Variants in WDFY3 observed in about 807,000 individuals in gnomAD.
WDFY3 encodes WD repeat and FYVE domain-containing protein 3.
Under a neutral mutation model 409.6 loss-of-function variants are expected in WDFY3, and 66 were observed. That is an observed-to-expected ratio of 0.16 (90% CI 0.13 to 0.20). The LOEUF is 0.20. WDFY3 is among the 10% of genes least tolerant of loss of function. WDFY3 has a pLI of 1.00. For missense variants in WDFY3, 3,031 were observed against 4,298.1 expected, an observed-to-expected ratio of 0.71 and a Z score of 8.24; for synonymous variants, 1,521 against 1,537.1, an observed-to-expected ratio of 0.99 and a Z score of 0.25.
chr4:84,903,911 C>T (rs2150655077), intron 2 of WDFY3, among the ~76,000 whole-genome samples: 1 of 152,222 alleles, frequency 6.6e-6, no homozygotes, highest in South Asian at 2.1e-4. Flanking sequence ...GTCCATCCAT[C>T]CGCCCGCCTG....
intron 25 of WDFY3, among the ~76,000 whole-genome samples, chr4:84,781,196 AAC>A (rs1204210563): frequency 6.6e-6 from 1 of 151,514 alleles, no homozygotes; most frequent in Non-Finnish European, 1.5e-5. Context: ...AGTTTATAGA[AAC>A]ACAGTCCTGG....
Position 84,753,889 on chromosome 4 carries a change from C to A in WDFY3, c.5560-13G>T. ...CTGATTGCCAAGGCTGTTATGGGGA[C>A]ATGAGAGGAAACACTATGTTACAGT... On this transcript the variant is annotated splice_polypyrimidine_tract_variant and intron_variant, in intron 34 of 67. Coordinates refer to ENST00000295888, the MANE Select transcript of WDFY3 (RefSeq NM_014991.6). 6.4e-7 allele frequency: 1 copy of A among 1,564,348 alleles called. No individual in the cohort carries two copies.
At chr4:84,765,671 A>T (rs1743506273) in intron 32 of WDFY3, 139 bp downstream of exon 32, 1 of 667,748 alleles carries the variant, frequency 1.5e-6, no homozygotes, top group Admixed American at 3.0e-5. Flanking sequence ...AAATCTTGTA[A>T]GCTCTTCCTT....
At chr4:84,955,561 T>C (rs1774140989) in intron 1 of WDFY3, among the ~76,000 whole-genome samples, 1 of 152,210 alleles carries the variant, frequency 6.6e-6, no homozygotes, top group Admixed American at 6.5e-5. Flanking sequence ...ATGCTTTTAG[T>C]AATAAAATAT....
intron 15 of WDFY3, among the ~76,000 whole-genome samples, chr4:84,805,148 A>C (rs1578601750): frequency 6.6e-6 from 1 of 152,180 alleles, no homozygotes; most frequent in African/African-American, 2.4e-5. Flanking sequence ...TACTTGTATA[A>C]GATGTATATG....
chr4:84,933,597 G>A (rs1772019633), intron 1 of WDFY3, among the ~76,000 whole-genome samples: 1 of 151,268 alleles, frequency 6.6e-6, no homozygotes, highest in East Asian at 1.9e-4. Context: ...TCACCCTATT[G>A]TGCTACCAAA....
chr4:84,678,195 G>T lies in WDFY3; in HGVS notation c.10232C>A (p.Ala3411Asp). The change falls in exon 66 of 68, where the codon GCT (alanine) becomes GAT (aspartate). Residue 3411 changes from alanine to aspartate, a missense_variant. This residue lies in a region of WDFY3 where 378 missense variants were observed against 477.3 expected (regional missense o/e 0.79). Transcript: ENST00000295888. ...AFDRKDNAHP[A>D]EVTALGISKD... ...GGAGATGCCCAAGGCAGTGACCTCA[G>T]CTGGGTGTGCATTGTCCTTTCGATC... 1 of 1,614,108 alleles carries T rather than the reference G, an allele frequency of 6.2e-7. No homozygotes were observed. Among genetic ancestry groups the T allele is most frequent in the Non-Finnish European group, 8.5e-7 (1 of 1,179,990 alleles).
At position 84,724,594 on chromosome 4, in the gene WDFY3, T is replaced by C; in HGVS notation, c.7273A>G (p.Lys2425Glu). The change falls in exon 46 of 68, where the codon AAA becomes GAA. Residue 2425 changes from lysine to glutamate, a missense_variant and splice_region_variant. Coordinates refer to ENST00000295888, the MANE Select transcript of WDFY3 (RefSeq NM_014991.6). ...PETPDDIPQK[K>E]PARYRRAVSY... ...ACGGCTCTTCTATATCGAGCAGGTTTCTAAGAAATGACAAAAGAAAATGAC... is the reference window on the plus strand; with the variant it reads ...ACGGCTCTTCTATATCGAGCAGGTTCCTAAGAAATGACAAAAGAAAATGAC... 3.1e-6 allele frequency: 5 copies of C among 1,603,334 alleles called. No homozygotes were observed. Among genetic ancestry groups the C allele is most frequent in the Non-Finnish European group, 3.4e-6 (4 of 1,176,560 alleles).
chr4:84,935,237 C>T (rs759990669), intron 1 of WDFY3, among the ~76,000 whole-genome samples: 1 of 152,064 alleles, frequency 6.6e-6, no homozygotes, highest in Non-Finnish European at 1.5e-5. Flanking sequence ...AAGTACATGC[C>T]TAAGAGTTAG....
intron 2 of WDFY3, among the ~76,000 whole-genome samples, chr4:84,917,230 AAGTT>A (rs1423355005): frequency 2.0e-5 from 3 of 152,178 alleles, no homozygotes; most frequent in Non-Finnish European, 4.4e-5. Flanking sequence ...GGAAATGGTG[AAGTT>A]ACAGAAGCCT....
At chr4:84,757,805 C>T (rs1482108049) in intron 32 of WDFY3, among the ~76,000 whole-genome samples, 2 of 152,114 alleles carry the variant, frequency 1.3e-5, no homozygotes, top group African/African-American at 4.8e-5. Flanking sequence ...TCATGAAAAA[C>T]TAGTTAACCT....
chr4:84,678,871 T>C lies in WDFY3; in HGVS notation c.10147+48A>G, dbSNP rs192378026. 150 of 1,554,970 alleles carry C rather than the reference T, an allele frequency of 9.6e-5. 1 individual carries two copies. In the East Asian group the frequency reaches 1.2e-3, roughly 12 times the overall value. ...CCCCACTGCCTCAATCCACCAACCC[T>C]CACACCACATATAAGGAGTGAGAAA... On this transcript the variant is annotated intron_variant, in intron 65 of 67. Transcript: ENST00000295888.
chr4:84,682,126 G>A (rs1727464542), intron 64 of WDFY3, among the ~76,000 whole-genome samples: 1 of 152,202 alleles, frequency 6.6e-6, no homozygotes. Flanking sequence ...ACTCTAGGAA[G>A]TAAGTGCTAT....
intron 3 of WDFY3, among the ~76,000 whole-genome samples, chr4:84,867,614 C>G (rs1306854820): frequency 6.6e-6 from 1 of 152,178 alleles, no homozygotes; most frequent in Admixed American, 6.5e-5. Context: ...GAGAAAACCA[C>G]TTTAAACTTG....
At chr4:84,900,908 C>A (rs1162720301) in intron 2 of WDFY3, among the ~76,000 whole-genome samples, 1 of 152,216 alleles carries the variant, frequency 6.6e-6, no homozygotes, top group Non-Finnish European at 1.5e-5. Flanking sequence ...TAACAGAATA[C>A]ATGAAACTGG....
Position 84,941,417 on chromosome 4 carries a change from C to T in WDFY3, c.-225-9054G>A, listed in dbSNP as rs1487470141. Among the ~76,000 whole-genome samples, 6 of 151,996 alleles carry T rather than the reference C, an allele frequency of 3.9e-5. No individual in the cohort carries two copies. In the South Asian group the frequency reaches 8.3e-4, roughly 21 times the overall value. ...AATAGCACCCAAAACACATGAAATG[C>T]TGAGGAGTAATTCTAACAAACTGTG... is the stretch of plus-strand genomic sequence containing the variant. On this transcript the variant is annotated intron_variant, in intron 1 of 67. Coordinates refer to ENST00000295888, the MANE Select transcript of WDFY3 (RefSeq NM_014991.6).
rs200158272 is a variant in WDFY3, at chr4:84,726,920, A to C, written c.7222-9T>G. ...TTACTTGGGATCTCAGACTGAAAAC[A>C]GGGTATTAAGTATAGACATATCAGA... is the stretch of plus-strand genomic sequence containing the variant. On this transcript the variant is annotated splice_polypyrimidine_tract_variant and intron_variant, in intron 44 of 67. Transcript: ENST00000295888. The C allele has an allele frequency of 6.2e-7, 1 of 1,602,212 alleles. No individual in the cohort carries two copies. The highest frequency in any genetic ancestry group is 1.3e-5 in the African/African-American group (1 of 74,096).
intron 47 of WDFY3, among the ~76,000 whole-genome samples, chr4:84,720,644 C>A (rs1001958836): frequency 3.9e-5 from 6 of 152,176 alleles, no homozygotes; most frequent in African/African-American, 1.4e-4. Flanking sequence ...CCCCCTTCAT[C>A]TTTTGCCATG....
chr4:84,778,082 A>AT (rs775101822), intron 27 of WDFY3, among the ~76,000 whole-genome samples: 3 of 152,116 alleles, frequency 2.0e-5, no homozygotes, highest in Non-Finnish European at 4.4e-5. Context: ...TTGAATTAGG[A>AT]TATAGCAGTA....
Sources: gnomAD v4.1 joint callset for allele counts (sites outside exome capture counted in the v4.1 genomes callset) on GRCh38, gnomAD v4.1.1 for gene constraint, gnomAD v4.1.1 regional missense constraint, MANE v1.5 for transcripts, NCBI Gene and HGNC (gene_info 2026-07-23, HGNC 2026-07-21) for gene names.